The following GBE1 variants were observed in gnomAD, a reference collection of about 807,000 sequenced individuals.
GBE1 encodes the protein 1,4-alpha-glucan branching enzyme 1, also known as 1,4-alpha-glucan-branching enzyme.
A neutral mutation model predicts 88.8 loss-of-function variants in GBE1; 70 were observed. The ratio of observed to expected loss-of-function variants is 0.79; its 90% confidence interval spans 0.65 to 0.96. The LOEUF is 0.96. Among genes scored for constraint, GBE1 ranks in the 40% least tolerant of loss-of-function variants. The probability of loss-of-function intolerance (pLI) is 0.00; values close to 1 mark genes in which losing one functional copy is unlikely to be tolerated. For missense variants in GBE1, 872 were observed against 871.0 expected (o/e 1.00, Z -0.01); for synonymous variants, 284 against 300.1 (o/e 0.95, Z 0.56).
chr3:81,700,123 G>A (rs1705665602), intron 2 of GBE1, among the ~76,000 whole-genome samples: 1 of 152,138 alleles, frequency 6.6e-6, no homozygotes, highest in Non-Finnish European at 1.5e-5. Flanking sequence ...GACCACTACA[G>A]CGAAAATGAA....
intron 12 of GBE1, among the ~76,000 whole-genome samples, chr3:81,572,617 C>A (rs868730786): frequency 2.0e-5 from 3 of 152,180 alleles, no homozygotes; most frequent in South Asian, 2.1e-4. Context: ...AAGATATGTT[C>A]TTAATTCTTA....
chr3:81,577,738 A>G (rs1703667551), intron 12 of GBE1, among the ~76,000 whole-genome samples, 187 bp downstream of exon 12: 1 of 152,190 alleles, frequency 6.6e-6, no homozygotes, highest in East Asian at 1.9e-4. Context: ...TTTGTATCAT[A>G]TATTAATATA....
chr3:81,622,640 G>A (rs1218107281), intron 7 of GBE1, among the ~76,000 whole-genome samples: 3 of 152,062 alleles, frequency 2.0e-5, no homozygotes, highest in Admixed American at 6.6e-5. Context: ...CATGCATCTC[G>A]CACTTGTGAT....
chr3:81,502,781 C>T (rs902662689), intron 14 of GBE1, among the ~76,000 whole-genome samples: 5 of 152,176 alleles, frequency 3.3e-5, no homozygotes, highest in African/African-American at 1.2e-4. Context: ...TATGTACATA[C>T]ATGATATGGG....
At chr3:81,579,732 T>C (rs1703695534) in intron 11 of GBE1, among the ~76,000 whole-genome samples, 1 of 151,908 alleles carries the variant, frequency 6.6e-6, no homozygotes, top group East Asian at 1.9e-4. Context: ...TTTAGATAAG[T>C]ATTTATCTTA....
chr3:81,563,087 T>G (rs920776998), intron 12 of GBE1, among the ~76,000 whole-genome samples: 8 of 152,066 alleles, frequency 5.3e-5, no homozygotes, highest in African/African-American at 1.9e-4. Flanking sequence ...AGTTTGACAA[T>G]ACATCTCACA....
rs1703640632 is a variant in GBE1 at position 81,575,832 on chromosome 3, TACAA to T, written c.1618+2089_1618+2092del. 2.0e-5 allele frequency among the ~76,000 whole-genome samples: 3 copies of T among 152,286 alleles called. No homozygotes were observed. In the South Asian group the frequency reaches 6.2e-4, roughly 32 times the overall value. On this transcript the variant is annotated intron_variant, in intron 12 of 15. Transcript: ENST00000429644. Reference sequence around the variant, plus strand: ...TATCTGTAGTTTTACTCAGAAAACATACAAACAAAGGAATATTCTTTAATACATG... The same window carrying T: ...TATCTGTAGTTTTACTCAGAAAACATACAAAGGAATATTCTTTAATACATG...
intron 1 of GBE1, among the ~76,000 whole-genome samples, chr3:81,730,283 G>T (rs1466687870): frequency 6.6e-6 from 1 of 152,120 alleles, no homozygotes; most frequent in Non-Finnish European, 1.5e-5. Flanking sequence ...ACGGGTTGAG[G>T]TTCTGACCAG....
intron 1 of GBE1, among the ~76,000 whole-genome samples, chr3:81,740,766 G>GCACACACACACA (rs71633686): frequency 0.022 from 3,297 of 149,252 alleles, 55 homozygotes; most frequent in African/African-American, 0.044. Context: ...GTTAGAAAGT[G>GCACACACACACA]CACACACACA....
chr3:81,592,235 C>A (rs914650472), intron 8 of GBE1, among the ~76,000 whole-genome samples: 2 of 152,022 alleles, frequency 1.3e-5, no homozygotes, highest in Non-Finnish European at 2.9e-5. Context: ...CATTAGATTC[C>A]GCCTAGCTTA....
intron 7 of GBE1, among the ~76,000 whole-genome samples, chr3:81,619,142 C>G: frequency 6.6e-6 from 1 of 150,678 alleles, no homozygotes; most frequent in Non-Finnish European, 1.5e-5. Flanking sequence ...TAGCATTTGT[C>G]TCTGCCCTAT....
At chr3:81,541,330 G>A (rs1426561300) in intron 12 of GBE1, among the ~76,000 whole-genome samples, 2 of 151,264 alleles carry the variant, frequency 1.3e-5, no homozygotes, top group Non-Finnish European at 3.0e-5. Flanking sequence ...AGCCTCAGAG[G>A]GTTCATGGAC....
chr3:81,696,107 G>C (rs950977748), intron 2 of GBE1, among the ~76,000 whole-genome samples: 1 of 152,056 alleles, frequency 6.6e-6, no homozygotes, highest in African/African-American at 2.4e-5. Context: ...GTTCAACAGG[G>C]GTTGAAAATA....
At chr3:81,506,716 C>G (rs1346004680) in intron 14 of GBE1, among the ~76,000 whole-genome samples, 33 of 152,186 alleles carry the variant, frequency 2.2e-4, no homozygotes, top group Non-Finnish European at 4.4e-5. Flanking sequence ...GGTACACATA[C>G]ACCATGGAAT....
intron 2 of GBE1, among the ~76,000 whole-genome samples, 198 bp downstream of exon 2, chr3:81,705,246 G>A (rs1186387606): frequency 6.6e-6 from 1 of 151,972 alleles, no homozygotes; most frequent in Non-Finnish European, 1.5e-5. Context: ...AGTCTTTCAA[G>A]AATACACATA....
chr3:81,728,339 A>T (rs1341301664), intron 1 of GBE1, among the ~76,000 whole-genome samples: 1 of 152,228 alleles, frequency 6.6e-6, no homozygotes, highest in Non-Finnish European at 1.5e-5. Context: ...GAAAGGCATA[A>T]GGAGGAACTA....
intron 1 of GBE1, among the ~76,000 whole-genome samples, chr3:81,748,885 T>C (rs1162125501): frequency 6.6e-6 from 1 of 150,930 alleles, no homozygotes; most frequent in African/African-American, 2.4e-5. Context: ...TGCGCACCTG[T>C]AGTGCCAGCT....
intron 1 of GBE1, among the ~76,000 whole-genome samples, chr3:81,737,296 T>C (rs924151243): frequency 1.4e-5 from 2 of 139,540 alleles, no homozygotes; most frequent in Non-Finnish European, 3.0e-5. Context: ...AATAAATATT[T>C]ATATAAATAT....
chr3:81,730,267 A>G (rs1047263485), intron 1 of GBE1, among the ~76,000 whole-genome samples: 4 of 152,214 alleles, frequency 2.6e-5, no homozygotes, highest in African/African-American at 9.6e-5. Context: ...GGTAGGAAAC[A>G]GCTTGACGGG....
Sources: allele counts gnomAD v4.1 joint callset (sites outside exome capture counted in the v4.1 genomes callset), GRCh38; gene constraint gnomAD v4.1.1; transcripts MANE v1.5; gene names NCBI Gene and HGNC (gene_info 2026-07-23, HGNC 2026-07-21).